Variants in PPP2R2C observed in about 807,000 individuals in gnomAD.
PPP2R2C encodes protein phosphatase 2, regulatory subunit B, gamma.
Under a neutral mutation model 45.3 loss-of-function variants are expected in PPP2R2C, and 10 were observed. The observed-to-expected ratio is 0.22, with a 90% confidence interval of 0.14 to 0.37. The LOEUF (loss-of-function observed/expected upper bound fraction) is 0.37. Ranked by LOEUF, PPP2R2C falls within the 10% of genes least tolerant of loss-of-function variation. The pLI is 1.00. For missense variants in PPP2R2C, 308 were observed against 619.7 expected (o/e 0.50, Z 5.34); for synonymous variants, 257 against 245.4 (o/e 1.05, Z -0.44).
upstream of PPP2R2C, among the ~76,000 whole-genome samples, chr4:6,475,439 C>G (rs559025911): frequency 6.6e-6 from 1 of 152,300 alleles, no homozygotes; most frequent in South Asian, 2.1e-4. Context: ...CCATTCACAA[C>G]CACAATGCCA....
At chr4:6,552,361 G>A (rs1725212039) in intron 1 of PPP2R2C, among the ~76,000 whole-genome samples, 1 of 152,168 alleles carries the variant, frequency 6.6e-6, no homozygotes, top group Non-Finnish European at 1.5e-5. Context: ...GGTTCCTGCT[G>A]GAGGCCCCAG....
intron 1 of PPP2R2C, among the ~76,000 whole-genome samples, chr4:6,386,063 A>C (rs1352388408): frequency 2.0e-5 from 3 of 152,238 alleles, no homozygotes. Flanking sequence ...GTAATAGCCT[A>C]GTAGCTCCTA....
chr4:6,429,689 G>A (rs4334819), intron 1 of PPP2R2C, among the ~76,000 whole-genome samples: 32,555 of 152,138 alleles, frequency 0.21, 4,207 homozygotes, highest in Admixed American at 0.36. Flanking sequence ...CCAATTTTAT[G>A]ACCGTCTCAG....
At chr4:6,540,335 C>T (rs1009095098) in intron 1 of PPP2R2C, among the ~76,000 whole-genome samples, 3 of 152,226 alleles carry the variant, frequency 2.0e-5, no homozygotes, top group South Asian at 2.1e-4. Flanking sequence ...TTGTGTCTGG[C>T]TTCTTTCACT....
intron 1 of PPP2R2C, among the ~76,000 whole-genome samples, chr4:6,559,956 A>C (rs1725522682): frequency 6.6e-6 from 1 of 152,216 alleles, no homozygotes; most frequent in Non-Finnish European, 1.5e-5. Flanking sequence ...ATTTCAGGCC[A>C]TTTCATCCAT....
chr4:6,533,839 G>A (rs989935894), intron 2 of PPP2R2C, among the ~76,000 whole-genome samples: 6 of 152,034 alleles, frequency 3.9e-5, no homozygotes, highest in Non-Finnish European at 8.8e-5. Context: ...TACATAGCAG[G>A]CTGCTCGGTG....
intron 2 of PPP2R2C, among the ~76,000 whole-genome samples, chr4:6,524,513 G>A (rs915230235): frequency 4.6e-5 from 7 of 152,186 alleles, no homozygotes; most frequent in South Asian, 2.1e-4. Flanking sequence ...AGGAATCCAC[G>A]TCTGCACCGT....
chr4:6,348,553 T>G (rs142974923), intron 5 of PPP2R2C: 6 of 792,058 alleles, frequency 7.6e-6, no homozygotes, highest in Non-Finnish European at 9.2e-6. Context: ...GACCACAGTA[T>G]GGAGATTCTC....
intron 1 of PPP2R2C, among the ~76,000 whole-genome samples, chr4:6,553,454 C>T (rs1173726702): frequency 1.3e-5 from 2 of 152,240 alleles, no homozygotes; most frequent in East Asian, 3.9e-4. Flanking sequence ...CACAGTAAGG[C>T]ACGGGGTCCC....
At chr4:6,439,992 A>G (rs2109425114) in intron 1 of PPP2R2C, among the ~76,000 whole-genome samples, 1 of 152,274 alleles carries the variant, frequency 6.6e-6, no homozygotes, top group East Asian at 1.9e-4. Context: ...AACCACCTCA[A>G]GGAACAGCTC....
At chr4:6,549,537 C>CA (rs1725110550) in intron 1 of PPP2R2C, among the ~76,000 whole-genome samples, 3 of 152,170 alleles carry the variant, frequency 2.0e-5, no homozygotes, top group Admixed American at 2.0e-4. Flanking sequence ...CCTTCCTGGG[C>CA]ACGACCCTCC....
intron 1 of PPP2R2C, among the ~76,000 whole-genome samples, chr4:6,553,135 C>T (rs893050373): frequency 6.6e-6 from 1 of 152,230 alleles, no homozygotes; most frequent in African/African-American, 2.4e-5. Flanking sequence ...GAGACAGGAT[C>T]CACTGGCACA....
intron 6 of PPP2R2C, among the ~76,000 whole-genome samples, chr4:6,344,959 T>C (rs1328423527): frequency 6.6e-6 from 1 of 152,226 alleles, no homozygotes; most frequent in Non-Finnish European, 1.5e-5. Context: ...GGACGCCGAA[T>C]AGATTTGCAC....
Position 6,328,393 on chromosome 4 carries a change from G to C in PPP2R2C, c.1052+869C>G, listed in dbSNP as rs1732124959. On this transcript the variant is annotated intron_variant, in intron 8 of 8. Coordinates refer to ENST00000382599, the MANE Select transcript of PPP2R2C (RefSeq NM_020416.4). The surrounding 1 kb of genome is among the most constrained non-coding windows in gnomAD (Gnocchi z 4.4). The stretch of plus-strand genomic sequence containing the variant: ...GAAGCAGCTGTAGGAGACACTGAGA[G>C]GCCACCTCTCAGCTTCTGAGATCGA... 6.6e-6 allele frequency among the ~76,000 whole-genome samples: 1 copy of C among 152,204 alleles called. No individual in the cohort carries two copies. The highest frequency in any genetic ancestry group is 2.4e-5 in the African/African-American group (1 of 41,452).
chr4:6,339,650 G>A (rs1320290196), intron 6 of PPP2R2C, among the ~76,000 whole-genome samples: 2 of 152,246 alleles, frequency 1.3e-5, no homozygotes, highest in African/African-American at 4.8e-5. Flanking sequence ...TCAGGGACAA[G>A]TGCAGTTCAG....
chr4:6,409,551 G>A (rs1718013305), intron 1 of PPP2R2C, among the ~76,000 whole-genome samples: 2 of 152,200 alleles, frequency 1.3e-5, no homozygotes, highest in African/African-American at 2.4e-5. Context: ...AAGAGGACTG[G>A]AGGAGGCAGG....
intron 1 of PPP2R2C, among the ~76,000 whole-genome samples, chr4:6,545,967 G>C (rs925496785): frequency 6.6e-6 from 1 of 152,074 alleles, no homozygotes; most frequent in Non-Finnish European, 1.5e-5. Flanking sequence ...TGGGTGGGGG[G>C]TGGGGGGGTT....
chr4:6,551,104 G>C (rs1311961504), intron 1 of PPP2R2C, among the ~76,000 whole-genome samples: 2 of 152,210 alleles, frequency 1.3e-5, no homozygotes, highest in African/African-American at 4.8e-5. Context: ...CCACAGGTTA[G>C]CTCAGCAGCC....
At chr4:6,451,831 C>G (rs1464365871) in intron 1 of PPP2R2C, among the ~76,000 whole-genome samples, 3 of 152,084 alleles carry the variant, frequency 2.0e-5, no homozygotes, top group Non-Finnish European at 2.9e-5. Flanking sequence ...TTGAAACCCC[C>G]AAGAGAGAGA....
Sources: gnomAD v4.1 joint callset for allele counts (sites outside exome capture counted in the v4.1 genomes callset) on GRCh38, gnomAD v4.1.1 for gene constraint, Gnocchi (gnomAD v3.1) non-coding constraint, MANE v1.5 for transcripts, NCBI Gene and HGNC (gene_info 2026-07-23, HGNC 2026-07-21) for gene names.